BCL11A: variants seen among roughly 807,000 people sequenced by gnomAD.
BCL11A encodes B cell CLL/lymphoma 11A.
Under a neutral mutation model 55.9 loss-of-function variants are expected in BCL11A, and 2 were observed. The observed-to-expected ratio is 0.04, with a 90% confidence interval of 0.01 to 0.11. The LOEUF (loss-of-function observed/expected upper bound fraction) is 0.11, where lower values mean the gene tolerates loss of function less well. BCL11A is among the 10% of genes least tolerant of loss of function. The probability of loss-of-function intolerance (pLI) is 1.00; values close to 1 mark genes in which losing one functional copy is unlikely to be tolerated. For missense variants in BCL11A, 817 were observed against 1,137.1 expected (o/e 0.72, Z 4.05); for synonymous variants, 465 against 473.4 (o/e 0.98, Z 0.23).
chr2:60,462,416 C>T lies in BCL11A; in HGVS notation c.496G>A (p.Glu166Lys). Residue 166 changes from glutamate to lysine, a missense_variant, in exon 4 of 4, where the codon GAG becomes AAG. Glu to Lys is a moderately conservative substitution (Grantham distance 56). Coordinates refer to ENST00000642384, the MANE Select transcript of BCL11A (RefSeq NM_022893.4). ...GTTGTACATGTGTAGCTGCTGGGCT[C>T]ATCTTTACCTGCAAAATAATACAAC... ...EYAPQGICKD[E>K]PSSYTCTTCK... 2 of 1,595,214 alleles carry T rather than the reference C, an allele frequency of 1.3e-6. No individual in the cohort carries two copies. Among genetic ancestry groups the T allele is most frequent in the Non-Finnish European group, 8.5e-7 (1 of 1,171,260 alleles).
chr2:60,507,245 AG>A (rs1182489797), intron 2 of BCL11A, among the ~76,000 whole-genome samples: 323 of 1,566 alleles, frequency 0.21, 10 homozygotes, highest in South Asian at 0.3. Flanking sequence ...GGAGGGAGGG[AG>A]GGGAGGGGAG....
intron 2 of BCL11A, among the ~76,000 whole-genome samples, chr2:60,517,074 G>A (rs1668764776): frequency 6.6e-6 from 1 of 152,214 alleles, no homozygotes; most frequent in Admixed American, 6.5e-5. Context: ...CTGGAATGAA[G>A]AGGAAATGGG....
At chr2:60,468,862 A>T in intron 2 of BCL11A, 29 bp from the exon 3 acceptor site, 2 of 1,385,526 alleles carry the variant, frequency 1.4e-6, no homozygotes, top group Non-Finnish European at 1.0e-6. Flanking sequence ...ATCAAGCACT[A>T]CAGCTACAAA....
At chr2:60,452,610 A>C (rs201277008), downstream of BCL11A, 17 of 1,613,770 alleles carry the variant, frequency 1.1e-5, no homozygotes, top group African/African-American at 1.3e-5. Context: ...CCATCCGAAA[A>C]CTGCCACACA....
chr2:60,502,297 G>C (rs902112377), intron 2 of BCL11A, among the ~76,000 whole-genome samples: 5 of 152,208 alleles, frequency 3.3e-5, no homozygotes, highest in African/African-American at 1.2e-4. Flanking sequence ...CCAAAGTCAG[G>C]GAGTAGGTAA....
At chr2:60,537,212 T>C (rs1446254157) in intron 2 of BCL11A, 1 of 152,254 alleles carries the variant, frequency 6.6e-6, no homozygotes, top group African/African-American at 2.4e-5. Flanking sequence ...AAGGTTACGA[T>C]TTATTATTAA....
downstream of BCL11A, among the ~76,000 whole-genome samples, chr2:60,456,600 C>T (rs1350021264): frequency 6.6e-6 from 1 of 152,150 alleles, no homozygotes; most frequent in African/African-American, 2.4e-5. Flanking sequence ...GCTTTCTTTT[C>T]TTTCGTCTCT....
At chr2:60,523,434 A>T (rs1669077335) in intron 2 of BCL11A, among the ~76,000 whole-genome samples, 1 of 152,206 alleles carries the variant, frequency 6.6e-6, no homozygotes, top group Non-Finnish European at 1.5e-5. Flanking sequence ...ATAGCTTTCA[A>T]AAACTTCTAT....
At position 60,460,711 on chromosome 2, in the gene BCL11A, C is replaced by G; in HGVS notation, c.2201G>C (p.Ser734Thr). 1 of 1,614,200 alleles carries G rather than the reference C, an allele frequency of 6.2e-7. No individual in the cohort carries two copies. The highest frequency in any genetic ancestry group is 8.5e-7 in the Non-Finnish European group (1 of 1,180,030). Reference sequence around the variant, plus strand: ...GTCGCTGCGTCTGCCCTCTTTTGAGCTGGGCCTGCCCGGGCCCGGACCACT... The same window carrying G: ...GTCGCTGCGTCTGCCCTCTTTTGAGGTGGGCCTGCCCGGGCCCGGACCACT... ...HISGPGPGRPSSKEGRRSDTC... is the reference protein window; with the variant it reads ...HISGPGPGRPTSKEGRRSDTC... The change falls in exon 4 of 4, where the codon AGC becomes ACC. Residue 734 changes from serine to threonine, a missense_variant. Around this residue, in one of 4 missense-constraint regions of BCL11A, gnomAD observed 379 missense variants for 425.3 expected, o/e 0.89. Transcript: ENST00000642384.
At chr2:60,523,425 T>C (rs356993) in intron 2 of BCL11A, among the ~76,000 whole-genome samples, 107,572 of 152,076 alleles carry the variant, frequency 0.71, 38,170 homozygotes, top group South Asian at 0.78. Flanking sequence ...TCTACATGGA[T>C]AGCTTTCAAA....
rs1676181554 is a variant in BCL11A, at chr2:60,460,320, G to A, written c.*84C>T. On this transcript the variant is annotated 3_prime_UTR_variant, in exon 4 of 4. Transcript: ENST00000642384. ...TGGGACTAGAAAAAAATCCTACAGG[G>A]AGTGGGGCTGGAGGGCGATGGGGAA... 2 of 1,513,126 alleles carry A rather than the reference G, an allele frequency of 1.3e-6. No individual in the cohort carries two copies. Among genetic ancestry groups the A allele is most frequent in the Non-Finnish European group, 8.8e-7 (1 of 1,130,608 alleles). 93.7% of individuals were successfully genotyped at this position (1,513,126 alleles called of 1,614,324 possible).
At chr2:60,453,280 G>C (rs1196281598), downstream of BCL11A, among the ~76,000 whole-genome samples, 1 of 152,154 alleles carries the variant, frequency 6.6e-6, no homozygotes, top group Non-Finnish European at 1.5e-5. Flanking sequence ...TTCTTTTTTG[G>C]AAGGGGGAAG....
chr2:60,521,943 T>G (rs76673), intron 2 of BCL11A: 103,151 of 152,094 alleles, frequency 0.68, 35,235 homozygotes, highest in South Asian at 0.78. Context: ...TACAGACCCT[T>G]AAATGACCCC....
chr2:60,539,048 G>A (rs931163723), intron 2 of BCL11A, among the ~76,000 whole-genome samples: 2 of 152,152 alleles, frequency 1.3e-5, no homozygotes, highest in East Asian at 1.9e-4. Flanking sequence ...TTTTCATTTC[G>A]CTATAGATCA....
downstream of BCL11A, among the ~76,000 whole-genome samples, chr2:60,454,749 C>T (rs565499995): frequency 5.3e-5 from 8 of 152,332 alleles, no homozygotes; most frequent in Admixed American, 1.3e-4. Context: ...CAAACTGTGT[C>T]TGTGAATAAA....
At chr2:60,522,327 A>T (rs995366913) in intron 2 of BCL11A, 1 of 152,152 alleles carries the variant, frequency 6.6e-6, no homozygotes, top group Non-Finnish European at 1.5e-5. Flanking sequence ...TAAACATAGG[A>T]ACTCGTTTTT....
chr2:60,538,098 T>C (rs1669751757), intron 2 of BCL11A: 1 of 152,226 alleles, frequency 6.6e-6, no homozygotes, highest in African/African-American at 2.4e-5. Flanking sequence ...CTGAATAACA[T>C]GCTGCCAGCC....
At chr2:60,489,306 G>C (rs1417596570) in intron 2 of BCL11A, among the ~76,000 whole-genome samples, 1 of 152,012 alleles carries the variant, frequency 6.6e-6, no homozygotes, top group Non-Finnish European at 1.5e-5. Flanking sequence ...ATGTCATTTT[G>C]CCCACAACAT....
chr2:60,538,739 CTGTGTGTGTGTGTGTG>C (rs777467539), intron 2 of BCL11A, among the ~76,000 whole-genome samples: 4 of 67,432 alleles, frequency 5.9e-5, no homozygotes, highest in Non-Finnish European at 1.5e-4. Context: ...CTCTCTCTCT[CTGTGTGTGTGTGTGTG>C]TGTGTGTGTG....
Sources: gnomAD v4.1 joint callset for allele counts (sites outside exome capture counted in the v4.1 genomes callset) on GRCh38, gnomAD v4.1.1 for gene constraint, gnomAD v4.1.1 regional missense constraint, MANE v1.5 for transcripts, NCBI Gene and HGNC (gene_info 2026-07-23, HGNC 2026-07-21) for gene names.